GABRA3: variants seen among roughly 807,000 people sequenced by gnomAD.
GABRA3 encodes gamma-aminobutyric acid receptor subunit alpha-3.
Under a neutral mutation model 30.1 loss-of-function variants are expected in GABRA3, and 10 were observed. The observed-to-expected ratio is 0.33, with a 90% confidence interval of 0.20 to 0.56. The LOEUF is 0.56. GABRA3 is among the 20% of genes least tolerant of loss of function. The pLI is 0.89. For synonymous variants in GABRA3, 151 were observed against 146.8 expected (o/e 1.03, Z -0.21); for missense variants, 233 against 392.0 (o/e 0.59, Z 3.42).
At chrX:152,245,291 A>C (rs1938446039) in intron 5 of GABRA3, among the ~76,000 whole-genome samples, 1 of 111,517 alleles carries the variant, frequency 9.0e-6, no homozygotes, top group African/African-American at 3.3e-5. Flanking sequence ...AGCTATTTCT[A>C]TAATAATGGA....
At chrX:152,394,685 C>T (rs1001627316) in intron 1 of GABRA3, among the ~76,000 whole-genome samples, 4 of 112,286 alleles carry the variant, frequency 3.6e-5, no homozygotes, top group Admixed American at 9.4e-5. Context: ...AGTTTAAATA[C>T]GTAGTACAAC....
intron 1 of GABRA3, among the ~76,000 whole-genome samples, chrX:152,419,828 G>A (rs1403518613): frequency 1.8e-5 from 2 of 111,375 alleles, no homozygotes; most frequent in Non-Finnish European, 3.8e-5. Context: ...GAAAACTGAC[G>A]GCCAATCTCA....
chrX:152,213,962 A>C (rs1937670029), intron 6 of GABRA3, among the ~76,000 whole-genome samples: 1 of 111,060 alleles, frequency 9.0e-6, no homozygotes, highest in South Asian at 3.8e-4. Context: ...GTACAAGTGC[A>C]GTTTTGTTAA....
intron 1 of GABRA3, among the ~76,000 whole-genome samples, chrX:152,368,701 CTTTTTTTTTTTT>C (rs59912352): frequency 1.4e-4 from 7 of 49,567 alleles, no homozygotes; most frequent in Non-Finnish European, 2.4e-4. Flanking sequence ...AATTTTTTTT[CTTTTTTTTTTTT>C]TTTTTTTTTT....
intron 2 of GABRA3, among the ~76,000 whole-genome samples, chrX:152,347,049 G>C (rs1028004681): frequency 1.8e-5 from 2 of 112,066 alleles, no homozygotes; most frequent in African/African-American, 6.5e-5. Context: ...ACCCATGTTT[G>C]TCACAGGACT....
intron 4 of GABRA3, among the ~76,000 whole-genome samples, chrX:152,283,525 T>C (rs908121165): frequency 2.7e-5 from 3 of 112,126 alleles, no homozygotes; most frequent in African/African-American, 9.7e-5. Flanking sequence ...TGAAGAGTCA[T>C]GTAAAATCAA....
At chrX:152,298,559 A>C (rs1406517753) in intron 3 of GABRA3, among the ~76,000 whole-genome samples, 95 of 110,241 alleles carry the variant, frequency 8.6e-4, no homozygotes, top group African/African-American at 3.0e-3. Flanking sequence ...TGAACTCATC[A>C]TTTTTTATGG....
intron 1 of GABRA3, among the ~76,000 whole-genome samples, chrX:152,400,178 G>A (rs1929757921): frequency 9.0e-6 from 1 of 110,927 alleles, no homozygotes; most frequent in South Asian, 3.8e-4. Context: ...TAGGAACCTA[G>A]ACATTAAATT....
chrX:152,192,768 G>T (rs772112803), intron 8 of GABRA3, among the ~76,000 whole-genome samples: 131 of 111,562 alleles, frequency 1.2e-3, no homozygotes, highest in African/African-American at 4.0e-3. Flanking sequence ...TTCACTTTCA[G>T]TCAGGCTTAA....
At chrX:152,257,709 C>T (rs986605421) in intron 4 of GABRA3, among the ~76,000 whole-genome samples, 2 of 112,089 alleles carry the variant, frequency 1.8e-5, no homozygotes, top group African/African-American at 6.5e-5. Context: ...CACATAAAGC[C>T]AAGAATCTGT....
intron 2 of GABRA3, among the ~76,000 whole-genome samples, chrX:152,348,201 T>C (rs1330994053): frequency 9.0e-6 from 1 of 110,971 alleles, no homozygotes; most frequent in Non-Finnish European, 1.9e-5. Context: ...GATCCTATAG[T>C]TTGAATTCAA....
chrX:152,197,486 A>C, intron 8 of GABRA3, 147 bp downstream of exon 8: 1 of 432,227 alleles, frequency 2.3e-6, no homozygotes, highest in Non-Finnish European at 3.7e-6. Flanking sequence ...CAGTCGTCTA[A>C]AACCCCATGG....
chrX:152,439,504 T>C (rs1255744089), intron 1 of GABRA3, among the ~76,000 whole-genome samples: 1 of 111,419 alleles, frequency 9.0e-6, no homozygotes, highest in Admixed American at 9.6e-5. Flanking sequence ...ACACTGCCGG[T>C]GGGAATGCAA....
intron 5 of GABRA3, chrX:152,251,309 G>T: frequency 6.8e-6 from 1 of 147,144 alleles, no homozygotes; most frequent in South Asian, 1.3e-4. Flanking sequence ...GTATTTCAAG[G>T]AAACTAATCC....
rs753548754 is a variant in GABRA3, at chrX:152,381,033, T to C, written c.-26-16437A>G. 5.4e-5 allele frequency among the ~76,000 whole-genome samples: 6 copies of C among 111,311 alleles called. No homozygotes were observed. The South Asian group carries it at 1.9e-3, about 35-fold the overall frequency. On this transcript the variant is annotated intron_variant, in intron 1 of 9. Transcript: ENST00000370314. ...ATAGATTCGTTCCTAGGAGAGTGAA[T>C]TGTTATAAAGCTAGGACACCCCTCA...
At chrX:152,206,684 G>A (rs1168295867) in intron 7 of GABRA3, among the ~76,000 whole-genome samples, 1 of 111,194 alleles carries the variant, frequency 9.0e-6, no homozygotes, top group Admixed American at 9.4e-5. Flanking sequence ...ACAGGGACAG[G>A]GCCCAGGTGG....
chrX:152,327,684 T>C (rs1940086487), intron 3 of GABRA3, among the ~76,000 whole-genome samples: 1 of 111,777 alleles, frequency 8.9e-6, no homozygotes, highest in Non-Finnish European at 1.9e-5. Context: ...CCAGAATCTC[T>C]GGGACACATT....
At chrX:152,422,028 C>A (rs917913984) in intron 1 of GABRA3, among the ~76,000 whole-genome samples, 7 of 110,828 alleles carry the variant, frequency 6.3e-5, no homozygotes, top group African/African-American at 2.3e-4. Context: ...CCCTATGACC[C>A]CAAAATTCTC....
chrX:152,201,644 T>TAA (rs1233547522), intron 7 of GABRA3, among the ~76,000 whole-genome samples: 3 of 112,253 alleles, frequency 2.7e-5, no homozygotes, highest in African/African-American at 9.7e-5. Flanking sequence ...TAATAGAATG[T>TAA]AAAACACATT....
Sources: gnomAD v4.1 joint callset for allele counts (sites outside exome capture counted in the v4.1 genomes callset) on GRCh38, gnomAD v4.1.1 for gene constraint, MANE v1.5 for transcripts, NCBI Gene and HGNC (gene_info 2026-07-23, HGNC 2026-07-21) for gene names.